AUTS2: variants seen among roughly 807,000 people sequenced by gnomAD.
AUTS2 encodes the protein autism susceptibility gene 2 protein.
In AUTS2, 17 loss-of-function variants were observed where a neutral mutation model predicts 112.4. That is an observed-to-expected ratio of 0.15 (90% CI 0.10 to 0.23). The LOEUF is 0.23. Ranked by LOEUF, AUTS2 falls within the 10% of genes least tolerant of loss-of-function variation. The pLI, the probability that AUTS2 is intolerant of heterozygous loss-of-function variation, is 1.00. For missense variants in AUTS2, 1,510 were observed against 1,701.6 expected (o/e 0.89, Z 1.98); for synonymous variants, 751 against 702.7 (o/e 1.07, Z -1.09).
intron 5 of AUTS2, among the ~76,000 whole-genome samples, chr7:70,492,066 G>T (rs547264989): frequency 2.6e-5 from 4 of 152,200 alleles, no homozygotes; most frequent in African/African-American, 7.2e-5. Context: ...TTCCTCTTCT[G>T]TTGGAAGCTC....
At chr7:70,478,428 CAG>C (rs767521248) in intron 5 of AUTS2, among the ~76,000 whole-genome samples, 1 of 152,132 alleles carries the variant, frequency 6.6e-6, no homozygotes, top group Non-Finnish European at 1.5e-5. Context: ...ATCTTATACT[CAG>C]GGGGTGAGAA....
At chr7:69,900,336 G>A (rs1794918010) in intron 2 of AUTS2, among the ~76,000 whole-genome samples, 1 of 152,262 alleles carries the variant, frequency 6.6e-6, no homozygotes, top group African/African-American at 2.4e-5. Context: ...GAAGAAAGCA[G>A]AGGAAGGAAT....
intron 1 of AUTS2, among the ~76,000 whole-genome samples, chr7:69,602,036 ATATATGTGTGTGTGTGTGTGTGTGTGTG>A (rs1260803203): frequency 0.12 from 2,166 of 17,948 alleles, 88 homozygotes; most frequent in African/African-American, 0.28. Context: ...ATATATATAT[ATATATGTGTGTGTGTGTGTGTGTGTGTG>A]TGTGTGTGTG....
chr7:69,858,006 A>G (rs1195578232), intron 1 of AUTS2, among the ~76,000 whole-genome samples: 5 of 152,106 alleles, frequency 3.3e-5, no homozygotes, highest in Non-Finnish European at 7.4e-5. Flanking sequence ...GCATTGTCTT[A>G]TTGCCCTGAG....
chr7:70,549,217 T>C (rs1585287927), intron 5 of AUTS2, among the ~76,000 whole-genome samples: 1 of 152,242 alleles, frequency 6.6e-6, no homozygotes, highest in East Asian at 1.9e-4. Flanking sequence ...TGGTCTTCTA[T>C]CGTATGACAG....
At chr7:70,605,926 A>G (rs1803735539) in intron 5 of AUTS2, among the ~76,000 whole-genome samples, 1 of 152,226 alleles carries the variant, frequency 6.6e-6, no homozygotes, top group South Asian at 2.1e-4. Context: ...TGAGTGAGGC[A>G]GCAGGTAAAA....
At chr7:70,341,784 T>A (rs1025981804) in intron 4 of AUTS2, among the ~76,000 whole-genome samples, 2 of 152,234 alleles carry the variant, frequency 1.3e-5, no homozygotes, top group African/African-American at 4.8e-5. Flanking sequence ...AGTGACTGAT[T>A]ATTTGAACGG....
chr7:69,792,441 A>C (rs554976091), intron 1 of AUTS2, among the ~76,000 whole-genome samples: 3 of 152,030 alleles, frequency 2.0e-5, no homozygotes, highest in Non-Finnish European at 4.4e-5. Context: ...GGGTTTCACC[A>C]TGTTAGCCAG....
intron 5 of AUTS2, among the ~76,000 whole-genome samples, chr7:70,696,930 T>A (rs1294288115): frequency 6.6e-6 from 1 of 152,218 alleles, no homozygotes; most frequent in Non-Finnish European, 1.5e-5. Context: ...AACATGAATT[T>A]ACATTCAAAA....
At position 70,380,916 on chromosome 7, in the gene AUTS2, C is replaced by T. The variant is rs545387184; in HGVS notation, c.661-54836C>T. Among the ~76,000 whole-genome samples, 19 of 152,316 alleles carry T rather than the reference C, an allele frequency of 1.2e-4. No homozygotes were observed. In the South Asian group the frequency reaches 3.1e-3, roughly 25 times the overall value. On this transcript the variant is annotated intron_variant, in intron 4 of 18. Coordinates refer to ENST00000342771, the MANE Select transcript of AUTS2 (RefSeq NM_015570.4). ...GAAATATGCTATCAAACACATTTATCTTTGGCTAAAAAACGAATTAAGTAG... is the reference window on the plus strand; with the variant it reads ...GAAATATGCTATCAAACACATTTATTTTTGGCTAAAAAACGAATTAAGTAG...
intron 4 of AUTS2, among the ~76,000 whole-genome samples, chr7:70,402,188 A>G (rs1794355938): frequency 6.6e-6 from 1 of 152,266 alleles, no homozygotes; most frequent in East Asian, 1.9e-4. Flanking sequence ...AAGTGAAAGA[A>G]AACAAATTGA....
intron 4 of AUTS2, among the ~76,000 whole-genome samples, chr7:70,383,061 T>C (rs992652669): frequency 9.2e-5 from 14 of 152,254 alleles, no homozygotes; most frequent in African/African-American, 3.4e-4. Context: ...GATGCTCTTT[T>C]AATGTTGATC....
At chr7:69,919,755 C>T (rs1004188663) in intron 2 of AUTS2, among the ~76,000 whole-genome samples, 1 of 152,064 alleles carries the variant, frequency 6.6e-6, no homozygotes, top group African/African-American at 2.4e-5. Context: ...AAAATTCCCT[C>T]TTCCTTAAAA....
At chr7:70,003,519 AAT>A (rs1436378377) in intron 2 of AUTS2, among the ~76,000 whole-genome samples, 1 of 125,906 alleles carries the variant, frequency 7.9e-6, no homozygotes, top group Non-Finnish European at 1.5e-5. Flanking sequence ...ATGTATATAT[AAT>A]ATATATGAAT....
intron 1 of AUTS2, among the ~76,000 whole-genome samples, chr7:69,830,032 A>G (rs780365934): frequency 2.0e-5 from 3 of 152,214 alleles, no homozygotes; most frequent in Non-Finnish European, 4.4e-5. Context: ...TGGTACATAT[A>G]CACCATGGAA....
chr7:69,845,494 C>G (rs1792157182), intron 1 of AUTS2, among the ~76,000 whole-genome samples: 2 of 152,118 alleles, frequency 1.3e-5, no homozygotes, highest in Non-Finnish European at 1.5e-5. Flanking sequence ...CACAGTGATG[C>G]TCTTGTGTGA....
chr7:70,432,496 C>A (rs1276064861), intron 4 of AUTS2, among the ~76,000 whole-genome samples: 1 of 152,160 alleles, frequency 6.6e-6, no homozygotes, highest in African/African-American at 2.4e-5. Context: ...TATAAAACAG[C>A]CTCCCTTTTT....
intron 6 of AUTS2, among the ~76,000 whole-genome samples, chr7:70,736,701 A>T (rs1174102777): frequency 6.6e-6 from 1 of 152,220 alleles, no homozygotes; most frequent in Admixed American, 6.5e-5. Context: ...GAAAATGCCC[A>T]ACTGTTAGGG....
At chr7:70,429,648 G>A (rs1795571387) in intron 4 of AUTS2, among the ~76,000 whole-genome samples, 1 of 152,092 alleles carries the variant, frequency 6.6e-6, no homozygotes, top group African/African-American at 2.4e-5. Flanking sequence ...ATTAGTATGG[G>A]GAGTCAAGAG....
Sources: gnomAD v4.1 joint callset for allele counts (sites outside exome capture counted in the v4.1 genomes callset) on GRCh38, gnomAD v4.1.1 for gene constraint, MANE v1.5 for transcripts, NCBI Gene and HGNC (gene_info 2026-07-23, HGNC 2026-07-21) for gene names.